Variants in AR observed in about 807,000 individuals in gnomAD.
The protein encoded by AR is dihydrotestosterone receptor.
Under a neutral mutation model 53.9 loss-of-function variants are expected in AR, and 8 were observed. That is an observed-to-expected ratio of 0.15 (90% CI 0.09 to 0.27). The LOEUF (loss-of-function observed/expected upper bound fraction) is 0.27. Among genes scored for constraint, AR ranks in the 10% least tolerant of loss-of-function variants. The probability of loss-of-function intolerance (pLI) is 1.00; values close to 1 mark genes in which losing one functional copy is unlikely to be tolerated. For synonymous variants in AR, 359 were observed against 316.4 expected (o/e 1.13, Z -1.43); for missense variants, 639 against 742.5 (o/e 0.86, Z 1.62).
chrX:67,629,492 A>T (rs1394410674), intron 1 of AR, among the ~76,000 whole-genome samples: 1 of 105,364 alleles, frequency 9.5e-6, no homozygotes, highest in Non-Finnish European at 2.0e-5. Flanking sequence ...TATCCCCTTT[A>T]TCATTTTTTA....
At chrX:67,596,647 A>G (rs922503777) in intron 1 of AR, among the ~76,000 whole-genome samples, 4 of 111,782 alleles carry the variant, frequency 3.6e-5, no homozygotes, top group Admixed American at 9.5e-5. Context: ...AGTCAGATGT[A>G]TAATTGGATT....
chrX:67,704,720 C>T (rs1003720884), intron 3 of AR, among the ~76,000 whole-genome samples: 35 of 111,736 alleles, frequency 3.1e-4, no homozygotes, highest in East Asian at 2.8e-4. Flanking sequence ...AAGTCCTTGC[C>T]GGTGCCTATG....
chrX:67,603,621 G>A (rs1443391696), intron 1 of AR, among the ~76,000 whole-genome samples: 1 of 111,957 alleles, frequency 8.9e-6, no homozygotes, highest in East Asian at 2.8e-4. Flanking sequence ...AGTGTAGTAG[G>A]AAACAAGTTT....
chrX:67,630,077 A>G (rs892082768), intron 1 of AR, among the ~76,000 whole-genome samples: 1 of 110,924 alleles, frequency 9.0e-6, no homozygotes, highest in African/African-American at 3.3e-5. Context: ...CAATTTTGGA[A>G]TAGGTGTGGT....
chrX:67,629,106 G>T (rs1169176108), intron 1 of AR, among the ~76,000 whole-genome samples: 2 of 110,946 alleles, frequency 1.8e-5, no homozygotes, highest in African/African-American at 6.6e-5. Context: ...CTCTTTTTTG[G>T]TTGTGTCTCT....
chrX:67,707,101 G>A (rs1366407768), intron 3 of AR, among the ~76,000 whole-genome samples: 1 of 111,905 alleles, frequency 8.9e-6, no homozygotes, highest in Non-Finnish European at 1.9e-5. Context: ...GTGTGGTGTG[G>A]TGCTGAGAAG....
chrX:67,663,130 G>C (rs1311700139), intron 2 of AR, among the ~76,000 whole-genome samples: 1 of 111,278 alleles, frequency 9.0e-6, no homozygotes, highest in African/African-American at 3.3e-5. Context: ...TTACATTTAA[G>C]GTTAATATTG....
At chrX:67,710,575 C>T (rs772970125) in intron 3 of AR, among the ~76,000 whole-genome samples, 1 of 111,245 alleles carries the variant, frequency 9.0e-6, no homozygotes, top group Non-Finnish European at 1.9e-5. Context: ...TCAAGCACTC[C>T]TCCCATCTCA....
At chrX:67,713,480 C>T (rs1303286809) in intron 4 of AR, among the ~76,000 whole-genome samples, 1 of 111,657 alleles carries the variant, frequency 9.0e-6, no homozygotes, top group Non-Finnish European at 1.9e-5. Flanking sequence ...TTTAATCTTC[C>T]CAAGCAGTTT....
At chrX:67,626,048 A>G (rs749749449) in intron 1 of AR, among the ~76,000 whole-genome samples, 25 of 111,786 alleles carry the variant, frequency 2.2e-4, no homozygotes, top group Non-Finnish European at 2.4e-4. Context: ...CCAGTACCTC[A>G]AGCATTTATC....
chrX:67,598,601 A>G (rs1034946034), intron 1 of AR, among the ~76,000 whole-genome samples: 1 of 110,943 alleles, frequency 9.0e-6, no homozygotes, highest in Non-Finnish European at 1.9e-5. Context: ...TTTTATTCTG[A>G]CTAGAAAAGT....
intron 3 of AR, among the ~76,000 whole-genome samples, chrX:67,697,826 C>T (rs772083086): frequency 1.7e-4 from 19 of 111,288 alleles, no homozygotes; most frequent in African/African-American, 5.9e-4. Context: ...AATAATAAAC[C>T]TTTTATGTGA....
intron 1 of AR, among the ~76,000 whole-genome samples, chrX:67,584,054 G>A (rs778797128): frequency 7.7e-4 from 87 of 112,364 alleles, no homozygotes; most frequent in African/African-American, 2.7e-3. Flanking sequence ...CAGAAAGGAG[G>A]TAGTTCTCAA....
intron 1 of AR, among the ~76,000 whole-genome samples, chrX:67,640,158 G>A (rs1925669595): frequency 9.0e-6 from 1 of 111,549 alleles, no homozygotes; most frequent in South Asian, 3.8e-4. Flanking sequence ...TGCATCCCAG[G>A]GGTGAAGCGG....
At chrX:67,628,758 T>A (rs1008150390) in intron 1 of AR, among the ~76,000 whole-genome samples, 6 of 111,854 alleles carry the variant, frequency 5.4e-5, no homozygotes, top group African/African-American at 9.7e-5. Context: ...ATTCAGTATG[T>A]TATTGGCTGT....
At chrX:67,593,981 G>T (rs778684193) in intron 1 of AR, among the ~76,000 whole-genome samples, 1 of 111,562 alleles carries the variant, frequency 9.0e-6, no homozygotes, top group Non-Finnish European at 1.9e-5. Context: ...AAAGAACCGA[G>T]GAATAATTTG....
rs2147540305 is a variant in AR at position 67,723,721 on chromosome X, G to A, written c.2643G>A (p.Leu881=). ...AGCTGCATCAGTTCACTTTTGACCT[G>A]CTAATCAAGTCACACATGGTGAGCG... The part of the protein sequence containing the change: ...ARELHQFTFD[L]LIKSHMVSVD... The change falls in exon 8 of 8, where the codon CTG becomes CTA. Residue 881 remains leucine, a synonymous_variant. Transcript: ENST00000374690. 8.3e-7 allele frequency: 1 copy of A among 1,210,861 alleles called. No homozygotes were observed. Among genetic ancestry groups the A allele is most frequent in the Non-Finnish European group, 1.1e-6 (1 of 895,179 alleles).
At chrX:67,644,896 A>G (rs1025896582) in intron 2 of AR, among the ~76,000 whole-genome samples, 1 of 111,436 alleles carries the variant, frequency 9.0e-6, no homozygotes, top group Non-Finnish European at 1.9e-5. Context: ...GCAGTGCCTA[A>G]AGAGCCTGAG....
intron 2 of AR, among the ~76,000 whole-genome samples, chrX:67,671,077 CT>C (rs1219237869): frequency 8.9e-6 from 1 of 111,926 alleles, no homozygotes; most frequent in African/African-American, 3.2e-5. Context: ...GTGCATTTGT[CT>C]TTATAGAAGA....
Sources: gnomAD v4.1 joint callset for allele counts (sites outside exome capture counted in the v4.1 genomes callset) on GRCh38, gnomAD v4.1.1 for gene constraint, MANE v1.5 for transcripts, NCBI Gene and HGNC (gene_info 2026-07-23, HGNC 2026-07-21) for gene names.